DLGAP2: variants seen among roughly 807,000 people sequenced by gnomAD.
The protein encoded by DLGAP2 is disks large-associated protein 2.
DLGAP2 carries 26 observed loss-of-function variants against 100.3 expected under a neutral mutation model. The observed-to-expected ratio is 0.26, with a 90% CI of 0.19 to 0.36. DLGAP2 has a LOEUF of 0.36. Among genes scored for constraint, DLGAP2 ranks in the 10% least tolerant of loss-of-function variants. The pLI is 1.00. For synonymous variants in DLGAP2, 886 were observed against 630.1 expected (o/e 1.41, Z -6.08); for missense variants, 1,858 against 1,453.2 (o/e 1.28, Z -4.53).
chr8:1,595,770 CTAT>C (rs1796438397), intron 6 of DLGAP2, among the ~76,000 whole-genome samples: 1 of 151,830 alleles, frequency 6.6e-6, no homozygotes, highest in Non-Finnish European at 1.5e-5. Context: ...ACTACCCTGC[CTAT>C]TATTATTTTT....
At chr8:1,645,993 C>T (rs146205366) in intron 8 of DLGAP2, among the ~76,000 whole-genome samples, 19 of 152,260 alleles carry the variant, frequency 1.2e-4, no homozygotes, top group Admixed American at 5.2e-4. Flanking sequence ...CGAATAATGC[C>T]GCACAGTTCT....
intron 8 of DLGAP2, among the ~76,000 whole-genome samples, chr8:1,651,934 A>T (rs2130810821): frequency 6.6e-6 from 1 of 152,294 alleles, no homozygotes; most frequent in East Asian, 1.9e-4. Context: ...ATGAGGCAGC[A>T]CTCAGAGCCT....
At chr8:1,161,601 C>T (rs1352015314) in intron 2 of DLGAP2, among the ~76,000 whole-genome samples, 1 of 152,202 alleles carries the variant, frequency 6.6e-6, no homozygotes, top group African/African-American at 2.4e-5. Flanking sequence ...ACAGAATGAG[C>T]TGATGAGACT....
intron 8 of DLGAP2, among the ~76,000 whole-genome samples, chr8:1,645,465 C>T (rs1334304046): frequency 6.6e-6 from 1 of 152,214 alleles, no homozygotes; most frequent in African/African-American, 2.4e-5. Context: ...AAACGTGTTT[C>T]CCACTTACGA....
intron 3 of DLGAP2, among the ~76,000 whole-genome samples, chr8:1,273,336 T>C (rs1799619832): frequency 1.3e-5 from 2 of 152,186 alleles, no homozygotes; most frequent in South Asian, 4.1e-4. Flanking sequence ...GAGTCCCTGT[T>C]GCCAGCTGAG....
chr8:809,981 C>T (rs1053695770), intron 1 of DLGAP2, among the ~76,000 whole-genome samples: 2 of 152,356 alleles, frequency 1.3e-5, no homozygotes, highest in Non-Finnish European at 2.9e-5. Context: ...TCAAGGCCCT[C>T]AGCTCTGGGA....
At chr8:1,465,075 A>G (rs10110053) in intron 3 of DLGAP2, among the ~76,000 whole-genome samples, 25,419 of 152,134 alleles carry the variant, frequency 0.17, 2,560 homozygotes, top group Middle Eastern at 0.25. Flanking sequence ...CCAGCCAGGG[A>G]TCCCCTAATT....
chr8:1,609,411 G>A (rs570569284), intron 6 of DLGAP2, among the ~76,000 whole-genome samples: 3,103 of 134,854 alleles, frequency 0.023, 158 homozygotes, highest in African/African-American at 0.079. Context: ...GGAAAGGAAC[G>A]ACCGGTACCA....
At chr8:848,874 T>TCTGTTCCAGAATAGGAACGCGCAGTGC (rs1563061826) in intron 1 of DLGAP2, among the ~76,000 whole-genome samples, 34 of 129,780 alleles carry the variant, frequency 2.6e-4, no homozygotes, top group Admixed American at 5.5e-4. Context: ...TCGCGCGGTG[T>TCTGTTCCAGAATAGGAACGCGCAGTGC]CTGTTCCAGC....
rs748237600 is a variant in DLGAP2, at chr8:1,549,631, C to T, written c.1178C>T (p.Pro393Leu). The change falls in exon 5 of 15, where the codon CCG (proline) becomes CTG (leucine). Residue 393 changes from proline (P) to leucine (L), a missense_variant. Coordinates refer to ENST00000637795, the MANE Select transcript of DLGAP2 (RefSeq NM_001346810.2). ...AAGAGCTCGCTGAACCTGGACAAGC[C>T]GCTGCTGCACCAGGACGCCAAGCCC... is the stretch of plus-strand genomic sequence containing the variant. ...YRKSSLNLDK[P>L]LLHQDAKPAL... 1.3e-6 allele frequency: 2 copies of T among 1,585,272 alleles called. No homozygotes were observed. Among genetic ancestry groups the T allele is most frequent in the African/African-American group, 1.3e-5 (1 of 74,230 alleles).
chr8:1,118,472 C>T (rs188476537), intron 2 of DLGAP2, among the ~76,000 whole-genome samples: 3 of 152,320 alleles, frequency 2.0e-5, no homozygotes, highest in South Asian at 2.1e-4. Context: ...AACTTCTGCA[C>T]TGGGACAAAT....
chr8:1,127,408 A>C (rs1019393025), intron 2 of DLGAP2, among the ~76,000 whole-genome samples: 6 of 151,964 alleles, frequency 3.9e-5, no homozygotes, highest in African/African-American at 1.5e-4. Context: ...TCACGTGTAG[A>C]GGTCCCTTCG....
At chr8:1,126,444 G>A (rs1019051578) in intron 2 of DLGAP2, among the ~76,000 whole-genome samples, 2 of 151,530 alleles carry the variant, frequency 1.3e-5, no homozygotes, top group African/African-American at 4.9e-5. Context: ...AGGCAGGGGA[G>A]AGAAGAGACA....
At position 1,139,774 on chromosome 8, in the gene DLGAP2, G is replaced by C. The variant is rs547662375; in HGVS notation, c.74-119077G>C. 3.3e-5 allele frequency among the ~76,000 whole-genome samples: 5 copies of C among 152,232 alleles called. No individual in the cohort carries two copies. The East Asian group carries it at 5.8e-4, about 18-fold the overall frequency. ...AGGATGGTGCCTGGCACAGGGTTTG[G>C]GGTCTGACAGGTCCCAGGGGCTCTC... is the stretch of plus-strand genomic sequence containing the variant. On this transcript the variant is annotated intron_variant, in intron 2 of 14. Transcript: ENST00000637795.
At chr8:1,097,107 G>C (rs1326768779) in intron 2 of DLGAP2, among the ~76,000 whole-genome samples, 1 of 137,730 alleles carries the variant, frequency 7.3e-6, no homozygotes, top group Non-Finnish European at 1.5e-5. Flanking sequence ...GGAGAGTCAA[G>C]CTGGGAGCCC....
Position 1,449,578 on chromosome 8 carries a change from C to G in DLGAP2, c.107-51788C>G, listed in dbSNP as rs73534608. ...GTCCTGTCTGCACCCAGACCCCGTTCCTGAGCTCCAGGGTGGGCCTGGCAC... is the reference window on the plus strand; with the variant it reads ...GTCCTGTCTGCACCCAGACCCCGTTGCTGAGCTCCAGGGTGGGCCTGGCAC... On this transcript the variant is annotated intron_variant, in intron 3 of 14. Transcript: ENST00000637795. Among the ~76,000 whole-genome samples, 1,211 of 152,310 alleles carry G rather than the reference C, an allele frequency of 8.0e-3. 17 individuals carry two copies. The highest frequency in any genetic ancestry group is 0.028 in the African/African-American group (1,144 of 41,556).
At position 1,516,921 on chromosome 8, in the gene DLGAP2, T is replaced by C. The variant is rs192686324; in HGVS notation, c.172+15490T>C. Among the ~76,000 whole-genome samples, 11 of 152,310 alleles carry C rather than the reference T, an allele frequency of 7.2e-5. No individual in the cohort carries two copies. In the East Asian group the frequency reaches 1.9e-3, roughly 27 times the overall value. The stretch of plus-strand genomic sequence containing the variant: ...AGGAGATATGTTTTGTTCTGTTTGC[T>C]TGAAACAATAAAATACATAAAAAAT... On this transcript the variant is annotated intron_variant, in intron 4 of 14. Transcript: ENST00000637795.
At chr8:786,582 A>C (rs1051243400) in intron 1 of DLGAP2, among the ~76,000 whole-genome samples, 2 of 152,138 alleles carry the variant, frequency 1.3e-5, no homozygotes, top group South Asian at 4.2e-4. Flanking sequence ...CGCACTACGC[A>C]CAGTTCCCTC....
intron 1 of DLGAP2, among the ~76,000 whole-genome samples, chr8:842,574 A>G (rs1050446797): frequency 1.1e-4 from 17 of 152,114 alleles, no homozygotes; most frequent in African/African-American, 2.9e-4. Context: ...CGTTCTTTCA[A>G]TATGTAGTCA....
Sources: gnomAD v4.1 joint callset for allele counts (sites outside exome capture counted in the v4.1 genomes callset) on GRCh38, gnomAD v4.1.1 for gene constraint, MANE v1.5 for transcripts, NCBI Gene and HGNC (gene_info 2026-07-23, HGNC 2026-07-21) for gene names.